The following NCOA2 variants were observed in gnomAD, a reference collection of about 807,000 sequenced individuals.
The protein encoded by NCOA2 is nuclear receptor coactivator 2, also known as class E basic helix-loop-helix protein 75.
In NCOA2, 21 loss-of-function variants were observed where a neutral mutation model predicts 145.1. That is an observed-to-expected ratio of 0.14 (90% CI 0.10 to 0.21). NCOA2 has a LOEUF of 0.21. NCOA2 is among the 10% of genes least tolerant of loss of function. NCOA2 has a pLI of 1.00. For missense variants in NCOA2, 1,472 were observed against 1,837.6 expected, an observed-to-expected ratio of 0.80 and a Z score of 3.64; for synonymous variants, 619 against 637.5, an observed-to-expected ratio of 0.97 and a Z score of 0.44.
chr8:70,451,239 T>TATAA, the NCOA2 span, among the ~76,000 whole-genome samples: 1 of 85,138 alleles, frequency 1.2e-5, no homozygotes, highest in Non-Finnish European at 2.3e-5. Context: ...AAAAAAAAAA[T>TATAA]ATATATATAT....
intron 1 of NCOA2, among the ~76,000 whole-genome samples, chr8:70,364,690 G>A (rs1810515313): frequency 6.7e-6 from 1 of 149,694 alleles, no homozygotes; most frequent in South Asian, 2.1e-4. Context: ...AAAACCAAAT[G>A]CATCTGACAC....
intron 1 of NCOA2, among the ~76,000 whole-genome samples, chr8:70,380,728 C>T (rs1455452576): frequency 1.3e-5 from 2 of 151,786 alleles, no homozygotes; most frequent in Admixed American, 1.3e-4. Flanking sequence ...AAATTTTGTT[C>T]GAGTGAGCAT....
chr8:70,412,782 G>GACT, the NCOA2 span, among the ~76,000 whole-genome samples: 2 of 151,714 alleles, frequency 1.3e-5, no homozygotes, highest in Non-Finnish European at 2.9e-5. Context: ...GGCTTCACCT[G>GACT]ACTTAACACC....
At chr8:70,398,940 C>A (rs1390182103) in intron 1 of NCOA2, among the ~76,000 whole-genome samples, 3 of 152,216 alleles carry the variant, frequency 2.0e-5, no homozygotes, top group Non-Finnish European at 4.4e-5. Flanking sequence ...TACCTACAGA[C>A]CACCTAGTCT....
chr8:70,291,091 T>C (rs769133911), intron 2 of NCOA2, among the ~76,000 whole-genome samples: 1 of 152,210 alleles, frequency 6.6e-6, no homozygotes, highest in Non-Finnish European at 1.5e-5. Flanking sequence ...CTAACAACTG[T>C]ACCACCCAGA....
intron 16 of NCOA2, 59 bp downstream of exon 16, chr8:70,131,778 T>G: frequency 6.6e-7 from 1 of 1,507,412 alleles, no homozygotes; most frequent in Non-Finnish European, 8.9e-7. Flanking sequence ...AAACAGAAAA[T>G]GGACACCTCT....
In NCOA2 at chr8:70,113,633, C is replaced by T. The variant is rs1208054158; in HGVS notation, c.4394G>A (p.Ter1465=). 5.2e-6 allele frequency: 8 copies of T among 1,551,948 alleles called. No homozygotes were observed. The highest frequency in any genetic ancestry group is 3.9e-5 in the Admixed American group (2 of 51,046). Residue 1465 remains the stop codon, a stop_retained_variant, in exon 23 of 23, where the codon TGA becomes TAA. Transcript: ENST00000452400. ...QEGDTTRKYC[*] is the part of the protein sequence containing the mutation. The stretch of plus-strand genomic sequence containing the variant: ...AAGAAGCAACTGGCTTCAGCAGTGT[C>T]AGCAATATTTCTGTAGGAAAACAGA...
rs536362066 is a variant in NCOA2, at chr8:70,257,870, G to C, written c.-20+38874C>G. 3.4e-5 allele frequency among the ~76,000 whole-genome samples: 5 copies of C among 148,682 alleles called. No individual in the cohort carries two copies. The South Asian group carries it at 1.1e-3, about 31-fold the overall frequency. On this transcript the variant is annotated intron_variant, in intron 2 of 22. Transcript: ENST00000452400. ...CTCCCTGTCACTGAGCCCCACCTCC[G>C]CAACAACAGCAAAAAAAAAAAAAGA...
At chr8:70,148,088 A>ATTC in intron 12 of NCOA2, among the ~76,000 whole-genome samples, 185 bp downstream of exon 12, 1 of 152,344 alleles carries the variant, frequency 6.6e-6, no homozygotes, top group South Asian at 2.1e-4. Flanking sequence ...AGAGAATGTG[A>ATTC]GAGAACCATG....
chr8:70,286,570 CAT>C (rs1196597833), intron 2 of NCOA2, among the ~76,000 whole-genome samples: 1 of 152,104 alleles, frequency 6.6e-6, no homozygotes, highest in East Asian at 1.9e-4. Flanking sequence ...ACACTAAAAA[CAT>C]ATTTCACATT....
chr8:70,397,368 G>T (rs1199019248), intron 1 of NCOA2, among the ~76,000 whole-genome samples: 1 of 151,308 alleles, frequency 6.6e-6, no homozygotes, highest in Non-Finnish European at 1.5e-5. Flanking sequence ...TGAGAGAATC[G>T]CTTGAACCCG....
At chr8:70,229,681 C>T (rs1820967503) in intron 2 of NCOA2, among the ~76,000 whole-genome samples, 1 of 152,170 alleles carries the variant, frequency 6.6e-6, no homozygotes, top group African/African-American at 2.4e-5. Flanking sequence ...CTGCATCCTA[C>T]CTGAGCCAGC....
chr8:70,399,695 C>T (rs1814041347), intron 1 of NCOA2, among the ~76,000 whole-genome samples: 1 of 152,248 alleles, frequency 6.6e-6, no homozygotes, highest in South Asian at 2.1e-4. Flanking sequence ...AATATAACTT[C>T]GATCATGACA....
chr8:70,246,676 C>T (rs1284475742), intron 2 of NCOA2, among the ~76,000 whole-genome samples: 2 of 151,954 alleles, frequency 1.3e-5, no homozygotes, highest in African/African-American at 4.8e-5. Flanking sequence ...ACTTTTTCAT[C>T]TTGCAAAACC....
At chr8:70,195,927 G>A (rs1692316011) in intron 4 of NCOA2, among the ~76,000 whole-genome samples, 1 of 152,146 alleles carries the variant, frequency 6.6e-6, no homozygotes, top group Non-Finnish European at 1.5e-5. Flanking sequence ...TGGCCCAGAA[G>A]GAACAGCATT....
intron 16 of NCOA2, among the ~76,000 whole-genome samples, chr8:70,131,345 G>A (rs1034919177): frequency 2.0e-5 from 3 of 152,340 alleles, no homozygotes; most frequent in Middle Eastern, 3.4e-3. Flanking sequence ...AATGATGAAA[G>A]AGTTGCAGCT....
chr8:70,140,802 G>A (rs1810319457), intron 14 of NCOA2, among the ~76,000 whole-genome samples: 1 of 151,766 alleles, frequency 6.6e-6, no homozygotes, highest in South Asian at 2.1e-4. Context: ...TCACCATGTT[G>A]GCCAGGCTGG....
intron 2 of NCOA2, among the ~76,000 whole-genome samples, chr8:70,233,359 A>G (rs72663960): frequency 1.3e-5 from 2 of 152,336 alleles, no homozygotes; most frequent in Non-Finnish European, 2.9e-5. Flanking sequence ...AATGAAACAA[A>G]TGATTATAAA....
At chr8:70,319,028 T>C (rs994700932) in intron 1 of NCOA2, among the ~76,000 whole-genome samples, 1 of 152,210 alleles carries the variant, frequency 6.6e-6, no homozygotes, top group African/African-American at 2.4e-5. Context: ...CTTCCATTTT[T>C]TCCCAGTGCC....
Sources: gnomAD v4.1 joint callset for allele counts (sites outside exome capture counted in the v4.1 genomes callset) on GRCh38, gnomAD v4.1.1 for gene constraint, MANE v1.5 for transcripts, NCBI Gene and HGNC (gene_info 2026-07-23, HGNC 2026-07-21) for gene names.